MIR2052HG: variants seen among roughly 807,000 people sequenced by gnomAD.
MIR2052HG encodes the protein MIR2052 host gene.
intron 4 of MIR2052HG, among the ~76,000 whole-genome samples, chr8:74,706,832 C>T (rs548547976): frequency 7.1e-4 from 108 of 152,044 alleles, no homozygotes; most frequent in Non-Finnish European, 1.3e-3. Context: ...TTTTCACAAG[C>T]TTCTTGGCGG....
rs1027153556 is a variant in MIR2052HG, at chr8:74,670,517, C to T, written n.217-31862C>T. ...CCTAAAATAACGGAAGGACTATAAA[C>T]GATGAAAGATAATCAAGCACTAAAT... On this transcript the variant is annotated intron_variant and non_coding_transcript_variant, in intron 2 of 6. Transcript: ENST00000523442. Among the ~76,000 whole-genome samples, 20 of 152,082 alleles carry T rather than the reference C, an allele frequency of 1.3e-4. No individual in the cohort carries two copies. The East Asian group carries it at 2.5e-3, about 19-fold the overall frequency.
chr8:74,719,988 A>G (rs1182240121), intron 4 of MIR2052HG, among the ~76,000 whole-genome samples: 1 of 151,096 alleles, frequency 6.6e-6, no homozygotes, highest in African/African-American at 2.4e-5. Context: ...AGCTGGGACT[A>G]CACGTGTGTG....
At chr8:74,639,761 G>C (rs1170824105) in intron 2 of MIR2052HG, among the ~76,000 whole-genome samples, 1 of 151,890 alleles carries the variant, frequency 6.6e-6, no homozygotes, top group Non-Finnish European at 1.5e-5. Context: ...ACAAATTCTA[G>C]GTTGTGTCAT....
At chr8:74,633,183 C>A (rs1279345331) in intron 2 of MIR2052HG, 1 of 152,164 alleles carries the variant, frequency 6.6e-6, no homozygotes, top group East Asian at 1.9e-4. Flanking sequence ...CCACCCCTGG[C>A]TAATGGTTTT....
chr8:74,721,756 A>G (rs1809580095), intron 4 of MIR2052HG, among the ~76,000 whole-genome samples: 1 of 152,218 alleles, frequency 6.6e-6, no homozygotes. Flanking sequence ...ACAAATCACA[A>G]CTGCAGCCCA....
At chr8:74,602,524 T>C (rs888490743) in intron 1 of MIR2052HG, among the ~76,000 whole-genome samples, 3 of 151,882 alleles carry the variant, frequency 2.0e-5, no homozygotes, top group East Asian at 3.9e-4. Context: ...TTCTTTCTTT[T>C]TTTTTTTGAG....
At chr8:74,703,723 T>C (rs1028238711) in intron 4 of MIR2052HG, 5 of 434,810 alleles carry the variant, frequency 1.1e-5, no homozygotes, top group African/African-American at 8.2e-5. Context: ...CTGGAAGTCA[T>C]GTGGATGAAA....
chr8:74,633,352 G>A (rs1287192928), intron 2 of MIR2052HG: 1 of 151,980 alleles, frequency 6.6e-6, no homozygotes. Context: ...TCCTCATTAG[G>A]TGCTTCTAGT....
chr8:74,639,551 C>A (rs1045842207), intron 2 of MIR2052HG, among the ~76,000 whole-genome samples: 5 of 152,134 alleles, frequency 3.3e-5, no homozygotes, highest in Admixed American at 6.5e-5. Context: ...AGACACCCAA[C>A]CTAATAATGT....
At chr8:74,604,140 TG>T in intron 1 of MIR2052HG, 1 of 888,694 alleles carries the variant, frequency 1.1e-6, no homozygotes, top group Middle Eastern at 2.2e-4. Context: ...TCTTCTTAAC[TG>T]ATTCTCCTTT....
intron 1 of MIR2052HG, chr8:74,604,105 A>T (rs748149127): frequency 1.1e-6 from 1 of 923,894 alleles, no homozygotes; most frequent in Non-Finnish European, 1.8e-6. Context: ...TGAGATGTTG[A>T]TAGGTGCACC....
chr8:74,725,165 T>C (rs1054276127), intron 4 of MIR2052HG, among the ~76,000 whole-genome samples: 5 of 152,192 alleles, frequency 3.3e-5, no homozygotes, highest in African/African-American at 4.8e-5. Flanking sequence ...AACAAGCACA[T>C]TGGCATATGA....
chr8:74,711,174 G>T (rs567916451), intron 4 of MIR2052HG, among the ~76,000 whole-genome samples: 1 of 152,170 alleles, frequency 6.6e-6, no homozygotes, highest in African/African-American at 2.4e-5. Flanking sequence ...GCTTTCCCTG[G>T]CCCACTAGCT....
chr8:74,623,675 C>T (rs1360241708), intron 2 of MIR2052HG, among the ~76,000 whole-genome samples: 1 of 152,062 alleles, frequency 6.6e-6, no homozygotes, highest in African/African-American at 2.4e-5. Context: ...ACTCTGAACA[C>T]GCTAAGTAAC....
At chr8:74,654,316 G>A (rs1808781532) in intron 2 of MIR2052HG, among the ~76,000 whole-genome samples, 2 of 152,214 alleles carry the variant, frequency 1.3e-5, no homozygotes, top group South Asian at 4.2e-4. Flanking sequence ...AGATTATGGA[G>A]GGAAGGAGGC....
At chr8:74,716,115 G>C (rs923524989) in intron 4 of MIR2052HG, among the ~76,000 whole-genome samples, 16 of 152,098 alleles carry the variant, frequency 1.1e-4, no homozygotes, top group African/African-American at 3.9e-4. Flanking sequence ...GGACAACTGG[G>C]GGCCCACTCC....
At chr8:74,675,618 A>C (rs1193728912) in intron 2 of MIR2052HG, among the ~76,000 whole-genome samples, 3 of 151,998 alleles carry the variant, frequency 2.0e-5, no homozygotes, top group African/African-American at 7.2e-5. Context: ...ATGATTGATC[A>C]GTGTGTAATT....
At chr8:74,663,354 C>T (rs1001326513) in intron 2 of MIR2052HG, among the ~76,000 whole-genome samples, 12 of 152,120 alleles carry the variant, frequency 7.9e-5, no homozygotes, top group African/African-American at 2.9e-4. Context: ...AGGCCTGTGA[C>T]TTGTTTAAGA....
At chr8:74,705,153 A>G (rs542694250) in intron 4 of MIR2052HG, among the ~76,000 whole-genome samples, 1 of 151,930 alleles carries the variant, frequency 6.6e-6, no homozygotes, top group South Asian at 2.1e-4. Flanking sequence ...TGTCTGTCTC[A>G]ATTTTGATTT....
Sources: gnomAD v4.1 joint callset for allele counts (sites outside exome capture counted in the v4.1 genomes callset) on GRCh38, gnomAD v4.1.1 for gene constraint, MANE v1.5 for transcripts, NCBI Gene and HGNC (gene_info 2026-07-23, HGNC 2026-07-21) for gene names.